NTRK3: variants seen among roughly 807,000 people sequenced by gnomAD.
NTRK3 encodes the protein NT-3 growth factor receptor.
In NTRK3, 24 loss-of-function variants were observed where a neutral mutation model predicts 91.7. That is an observed-to-expected ratio of 0.26 (90% confidence interval 0.19 to 0.37). The LOEUF (loss-of-function observed/expected upper bound fraction) is 0.37. Ranked by LOEUF, NTRK3 falls within the 10% of genes least tolerant of loss-of-function variation. NTRK3 has a pLI of 1.00. For synonymous variants in NTRK3, 483 were observed against 404.0 expected (o/e 1.20, Z -2.34); for missense variants, 880 against 1,068.9 (o/e 0.82, Z 2.46).
intron 3 of NTRK3, among the ~76,000 whole-genome samples, chr15:88,195,792 T>C (rs536069566): frequency 1.3e-5 from 2 of 152,310 alleles, no homozygotes; most frequent in Admixed American, 1.3e-4. Context: ...GGGAAAAGCC[T>C]GAGTGAGAAG....
intron 11 of NTRK3, among the ~76,000 whole-genome samples, chr15:88,128,253 C>T (rs1398570763): frequency 6.6e-6 from 1 of 152,208 alleles, no homozygotes; most frequent in Non-Finnish European, 1.5e-5. Flanking sequence ...ACACATGAGC[C>T]TATCAGGAAA....
intron 14 of NTRK3, among the ~76,000 whole-genome samples, chr15:88,024,431 T>C (rs1360242933): frequency 6.6e-6 from 1 of 152,154 alleles, no homozygotes; most frequent in Non-Finnish European, 1.5e-5. Flanking sequence ...TGCCTGGTAC[T>C]TAAGAAGGGA....
At chr15:88,041,568 C>G (rs1454949414) in intron 13 of NTRK3, among the ~76,000 whole-genome samples, 1 of 152,166 alleles carries the variant, frequency 6.6e-6, no homozygotes, top group Non-Finnish European at 1.5e-5. Context: ...CCTGGGTTGG[C>G]ATTTGTGGAA....
intron 16 of NTRK3, among the ~76,000 whole-genome samples, chr15:87,931,425 CACTGAACT>C (rs2068789893): frequency 6.6e-6 from 1 of 152,206 alleles, no homozygotes; most frequent in African/African-American, 2.4e-5. Flanking sequence ...ATTGGCTGAT[CACTGAACT>C]ACTTGCAAAA....
At chr15:88,068,797 T>G (rs1038859478) in intron 13 of NTRK3, among the ~76,000 whole-genome samples, 3 of 151,750 alleles carry the variant, frequency 2.0e-5, no homozygotes, top group Non-Finnish European at 4.4e-5. Flanking sequence ...GAGCAGATTT[T>G]GGGGCTCCAG....
chr15:88,099,587 C>T (rs1176156266), intron 13 of NTRK3, among the ~76,000 whole-genome samples: 1 of 152,146 alleles, frequency 6.6e-6, no homozygotes, highest in South Asian at 2.1e-4. Context: ...GTGCAAAATG[C>T]CACAGCAGTA....
intron 3 of NTRK3, among the ~76,000 whole-genome samples, chr15:88,254,860 A>G (rs1291566510): frequency 6.6e-6 from 1 of 152,118 alleles, no homozygotes; most frequent in Admixed American, 6.5e-5. Flanking sequence ...AGTATGGTCC[A>G]CACCCTTCTC....
chr15:88,091,270 T>A (rs2048990348), intron 13 of NTRK3, among the ~76,000 whole-genome samples: 1 of 152,204 alleles, frequency 6.6e-6, no homozygotes, highest in Non-Finnish European at 1.5e-5. Flanking sequence ...CAGATTCTCT[T>A]AAAGCTGGGG....
At chr15:88,020,804 C>A (rs951480434) in intron 14 of NTRK3, among the ~76,000 whole-genome samples, 1 of 152,278 alleles carries the variant, frequency 6.6e-6, no homozygotes, top group South Asian at 2.1e-4. Context: ...GAAAAAGGAT[C>A]CTCTGTAACC....
chr15:88,106,584 C>A (rs1234910367), intron 13 of NTRK3, among the ~76,000 whole-genome samples: 1 of 152,138 alleles, frequency 6.6e-6, no homozygotes, highest in East Asian at 1.9e-4. Context: ...AAAAATAGGT[C>A]AAACACTGTT....
chr15:88,167,492 T>C (rs1271833567), intron 5 of NTRK3, among the ~76,000 whole-genome samples: 1 of 152,228 alleles, frequency 6.6e-6, no homozygotes, highest in Non-Finnish European at 1.5e-5. Context: ...ATGCATTCTC[T>C]CAGATTCCTC....
chr15:88,146,658 G>C (rs535857147), intron 6 of NTRK3, among the ~76,000 whole-genome samples: 7 of 152,268 alleles, frequency 4.6e-5, no homozygotes, highest in African/African-American at 1.7e-4. Flanking sequence ...GCTGGGATAG[G>C]GGTGCCCTGA....
chr15:87,973,107 G>GA (rs1377108495), intron 14 of NTRK3, among the ~76,000 whole-genome samples: 2 of 152,122 alleles, frequency 1.3e-5, no homozygotes, highest in East Asian at 3.9e-4. Context: ...CACCCACCCA[G>GA]AAGTCAAGCA....
chr15:88,093,877 T>C (rs916254591), intron 13 of NTRK3, among the ~76,000 whole-genome samples: 5 of 152,180 alleles, frequency 3.3e-5, no homozygotes, highest in African/African-American at 7.2e-5. Flanking sequence ...CTTGTACATG[T>C]TGTTATCAAT....
At chr15:88,099,304 A>T (rs2049942300) in intron 13 of NTRK3, 1 of 216,400 alleles carries the variant, frequency 4.6e-6, no homozygotes, top group Admixed American at 5.8e-5. Flanking sequence ...AACATGGTCC[A>T]GCTGATGAAA....
At chr15:88,027,422 G>A (rs1053446762) in intron 14 of NTRK3, among the ~76,000 whole-genome samples, 31 of 151,946 alleles carry the variant, frequency 2.0e-4, no homozygotes, top group Non-Finnish European at 1.3e-4. Flanking sequence ...TCGCTCTGTC[G>A]CCCAGGCTGC....
rs143130933 is a variant in NTRK3, at chr15:87,934,376, C to A, written c.1717-1192G>T. ...TGGCTCACCATTTTCAGGGGAGTGA[C>A]AATCTAGACAGACTAGAGATTGGTT... On this transcript the variant is annotated intron_variant, in intron 15 of 18. Coordinates refer to ENST00000394480, the Ensembl canonical transcript of NTRK3. 1.9e-3 allele frequency among the ~76,000 whole-genome samples: 290 copies of A among 152,288 alleles called. 1 individual carries two copies. Among genetic ancestry groups the A allele is most frequent in the African/African-American group, 6.7e-3 (277 of 41,560 alleles).
rs113691188 is a variant in NTRK3, at chr15:87,876,909, T to G, written c.*26A>C. On this transcript the variant is annotated 3_prime_UTR_variant, in exon 19 of 19. Transcript: ENST00000394480. The stretch of plus-strand genomic sequence containing the variant: ...GGCAGGGAGAGAGGAGGCAACAGAG[T>G]ATGAATTCATGACCACCAGCCACCA... The G allele has an allele frequency of 1.7e-5, 28 of 1,612,430 alleles. No individual in the cohort carries two copies. In the African/African-American group the frequency reaches 3.3e-4, roughly 19 times the overall value.
intron 3 of NTRK3, among the ~76,000 whole-genome samples, chr15:88,197,094 C>CAAAAAAAAAAAAAAA (rs59553739): frequency 1.8e-5 from 1 of 56,510 alleles, no homozygotes; most frequent in Non-Finnish European, 3.6e-5. Context: ...TTGAGCAGGA[C>CAAAAAAAAAAAAAAA]AAAAAAAAAA....
Sources: gnomAD v4.1 joint callset for allele counts (sites outside exome capture counted in the v4.1 genomes callset) on GRCh38, gnomAD v4.1.1 for gene constraint, MANE v1.5 for transcripts, NCBI Gene and HGNC (gene_info 2026-07-23, HGNC 2026-07-21) for gene names.